Variants in ERC2 observed in about 807,000 individuals in gnomAD.
The protein encoded by ERC2 is ELKS/RAB6-interacting/CAST family member 2.
ERC2 carries 42 observed loss-of-function variants against 114.8 expected under a neutral mutation model. The ratio of observed to expected loss-of-function variants is 0.37; its 90% CI spans 0.29 to 0.47. The LOEUF (loss-of-function observed/expected upper bound fraction) is 0.47. Ranked by LOEUF, ERC2 falls within the 20% of genes least tolerant of loss-of-function variation. The pLI, the probability that ERC2 is intolerant of heterozygous loss-of-function variation, is 0.99. For missense variants in ERC2, 939 were observed against 1,150.7 expected (o/e 0.82, Z 2.66); for synonymous variants, 454 against 425.5 (o/e 1.07, Z -0.82).
rs58724922 is a variant in ERC2, at chr3:55,901,498, A to C, written c.2404-12949T>G. 8.4e-3 allele frequency among the ~76,000 whole-genome samples: 1,277 copies of C among 152,314 alleles called. 17 individuals are homozygous for C. The highest frequency in any genetic ancestry group is 0.029 in the African/African-American group (1,211 of 41,558). ...TTGTCATGTCCAGCTCATTGAAGCC[A>C]CCTGTATTCTTTGCCGCACAGTCCC... On this transcript the variant is annotated intron_variant, in intron 13 of 17. Coordinates refer to ENST00000288221, the MANE Select transcript of ERC2 (RefSeq NM_015576.3).
chr3:55,554,651 AT>A (rs2107445091), intron 17 of ERC2, among the ~76,000 whole-genome samples: 1 of 152,300 alleles, frequency 6.6e-6, no homozygotes, highest in South Asian at 2.1e-4. Context: ...AAACAAAGAC[AT>A]TTGCAAACTG....
At chr3:56,360,711 C>A (rs1489930563) in intron 2 of ERC2, among the ~76,000 whole-genome samples, 1 of 152,076 alleles carries the variant, frequency 6.6e-6, no homozygotes, top group African/African-American at 2.4e-5. Flanking sequence ...AGTTCAAGAC[C>A]AGCTTGGCCA....
At chr3:56,339,861 A>G (rs968446169) in intron 2 of ERC2, among the ~76,000 whole-genome samples, 4 of 152,154 alleles carry the variant, frequency 2.6e-5, no homozygotes, top group African/African-American at 9.7e-5. Context: ...CTGCTCTCCC[A>G]CTACCAGGCC....
chr3:56,366,140 A>G (rs1206305582), intron 2 of ERC2, among the ~76,000 whole-genome samples: 5 of 152,196 alleles, frequency 3.3e-5, no homozygotes, highest in Non-Finnish European at 5.9e-5. Flanking sequence ...CCAATCATGT[A>G]AGATACTCTG....
intron 17 of ERC2, 66 bp downstream of exon 17, chr3:55,683,728 C>T (rs940884905): frequency 3.1e-6 from 4 of 1,269,894 alleles, no homozygotes; most frequent in African/African-American, 1.5e-5. Flanking sequence ...CACAATCGAG[C>T]ACGCACACAA....
At chr3:55,704,856 T>G (rs1178443761) in intron 15 of ERC2, among the ~76,000 whole-genome samples, 2 of 152,238 alleles carry the variant, frequency 1.3e-5, no homozygotes, top group East Asian at 3.8e-4. Context: ...CATCTGCAAC[T>G]GCAATGATGC....
At chr3:55,785,475 T>C (rs762076731) in intron 14 of ERC2, among the ~76,000 whole-genome samples, 3 of 152,160 alleles carry the variant, frequency 2.0e-5, no homozygotes, top group Non-Finnish European at 4.4e-5. Context: ...GGGCAATAGG[T>C]GGTTATCATG....
At chr3:55,827,028 C>T (rs2060352448) in intron 14 of ERC2, among the ~76,000 whole-genome samples, 1 of 152,206 alleles carries the variant, frequency 6.6e-6, no homozygotes. Context: ...CCCTCCTTTA[C>T]ATTAGCTATA....
At chr3:55,952,065 C>G (rs2149446774) in intron 12 of ERC2, among the ~76,000 whole-genome samples, 1 of 150,192 alleles carries the variant, frequency 6.7e-6, no homozygotes, top group Non-Finnish European at 1.5e-5. Flanking sequence ...ACTCGGAAGT[C>G]TGAGGCAGGA....
chr3:55,646,653 T>C (rs1482297304), intron 17 of ERC2, among the ~76,000 whole-genome samples: 1 of 152,218 alleles, frequency 6.6e-6, no homozygotes, highest in African/African-American at 2.4e-5. Flanking sequence ...ACCCTACTTA[T>C]TACTGTCCCT....
At chr3:55,831,901 CG>C (rs1458669554) in intron 14 of ERC2, among the ~76,000 whole-genome samples, 5 of 152,192 alleles carry the variant, frequency 3.3e-5, no homozygotes, top group Admixed American at 2.6e-4. Flanking sequence ...CACTCCCACC[CG>C]AATACTGTGC....
intron 13 of ERC2, among the ~76,000 whole-genome samples, chr3:55,946,865 G>T (rs1229822507): frequency 6.6e-6 from 1 of 152,106 alleles, no homozygotes; most frequent in East Asian, 1.9e-4. Context: ...ATAATTCAAG[G>T]TATCTTCAAA....
intron 2 of ERC2, among the ~76,000 whole-genome samples, chr3:56,310,062 T>C (rs1274996691): frequency 6.6e-6 from 1 of 152,214 alleles, no homozygotes; most frequent in South Asian, 2.1e-4. Context: ...TAAATAACTC[T>C]ACAAGGGACT....
intron 17 of ERC2, among the ~76,000 whole-genome samples, chr3:55,570,675 G>A (rs1413149091): frequency 6.6e-6 from 1 of 152,114 alleles, no homozygotes; most frequent in South Asian, 2.1e-4. Flanking sequence ...ATGTGATTAG[G>A]GTGGTCAAGG....
intron 14 of ERC2, among the ~76,000 whole-genome samples, chr3:55,739,487 G>C (rs2065850854): frequency 6.6e-6 from 1 of 152,192 alleles, no homozygotes; most frequent in Non-Finnish European, 1.5e-5. Context: ...TTGTGGTTTT[G>C]ATTTGCATTT....
rs78812813 is a variant in ERC2 at position 55,694,854 on chromosome 3, C to T, written c.2847+4524G>A. Among the ~76,000 whole-genome samples, 17 of 152,304 alleles carry T rather than the reference C, an allele frequency of 1.1e-4. No homozygotes were observed. In the East Asian group the frequency reaches 3.3e-3, roughly 29 times the overall value. On this transcript the variant is annotated intron_variant, in intron 16 of 17. Coordinates refer to ENST00000288221, the MANE Select transcript of ERC2 (RefSeq NM_015576.3). ...GGAAGAGAAATGTGAGTCCTAGATG[C>T]ACAAAGGGTAGCCTGCATGGTGCCT... is the stretch of plus-strand genomic sequence containing the variant.
chr3:56,215,938 A>C (rs2049438726), intron 3 of ERC2, among the ~76,000 whole-genome samples: 1 of 152,224 alleles, frequency 6.6e-6, no homozygotes, highest in Admixed American at 6.5e-5. Context: ...ATGTTCTTTG[A>C]AACCAACGAG....
intron 5 of ERC2, 79 bp downstream of exon 5, chr3:56,148,898 T>G: frequency 7.8e-7 from 1 of 1,286,634 alleles, no homozygotes; most frequent in Non-Finnish European, 1.1e-6. Context: ...TTATATGGAG[T>G]ATTTGGAAAA....
At chr3:56,035,384 C>T (rs576799673) in intron 7 of ERC2, among the ~76,000 whole-genome samples, 4 of 152,272 alleles carry the variant, frequency 2.6e-5, no homozygotes, top group African/African-American at 9.6e-5. Flanking sequence ...GTGAATTCTA[C>T]CAAACGTTTA....
Sources: allele counts gnomAD v4.1 joint callset (sites outside exome capture counted in the v4.1 genomes callset), GRCh38; gene constraint gnomAD v4.1.1; transcripts MANE v1.5; gene names NCBI Gene and HGNC (gene_info 2026-07-23, HGNC 2026-07-21).